Variants in IGF1 observed in about 807,000 individuals in gnomAD.
IGF1 encodes the protein insulin-like growth factor 1.
IGF1 carries 4 observed loss-of-function variants against 13.8 expected under a neutral mutation model. That is an observed-to-expected ratio of 0.29 (90% CI 0.14 to 0.66). IGF1 has a LOEUF of 0.66. Ranked by LOEUF, IGF1 falls within the 30% of genes least tolerant of loss-of-function variation. The pLI is 0.78. For synonymous variants in IGF1, 76 were observed against 72.6 expected, an observed-to-expected ratio of 1.05 and a Z score of -0.23; for missense variants, 124 against 188.5, an observed-to-expected ratio of 0.66 and a Z score of 2.00.
intron 3 of IGF1, among the ~76,000 whole-genome samples, chr12:102,407,708 G>T (rs1432097935): frequency 6.6e-6 from 1 of 152,146 alleles, no homozygotes; most frequent in East Asian, 1.9e-4. Flanking sequence ...CTTCCAGATG[G>T]GGGTAGATGC....
chr12:102,431,759 A>G (rs1301329118), intron 2 of IGF1, among the ~76,000 whole-genome samples: 1 of 152,188 alleles, frequency 6.6e-6, no homozygotes, highest in Non-Finnish European at 1.5e-5. Context: ...GGACCCACTA[A>G]CCCCAGGATT....
chr12:102,414,216 T>C (rs537391978), intron 3 of IGF1, among the ~76,000 whole-genome samples: 3 of 151,892 alleles, frequency 2.0e-5, no homozygotes, highest in Non-Finnish European at 2.9e-5. Context: ...CTCACACACA[T>C]ACACACACAC....
chr12:102,413,859 C>G (rs918005086), intron 3 of IGF1, among the ~76,000 whole-genome samples: 2 of 152,102 alleles, frequency 1.3e-5, no homozygotes, highest in African/African-American at 4.8e-5. Flanking sequence ...GCCAAGCTAC[C>G]TATTTAAGTT....
At chr12:102,403,452 G>A (rs80280982) in intron 3 of IGF1, among the ~76,000 whole-genome samples, 6,909 of 151,434 alleles carry the variant, frequency 0.046, 241 homozygotes, top group Non-Finnish European at 0.067. Context: ...GTTATCTTAA[G>A]GATAGTGAGG....
chr12:102,437,965 A>G (rs1877387603), intron 2 of IGF1, among the ~76,000 whole-genome samples: 1 of 152,218 alleles, frequency 6.6e-6, no homozygotes, highest in Non-Finnish European at 1.5e-5. Flanking sequence ...CCAGAGCAGA[A>G]ACCTATTTGA....
At chr12:102,454,906 A>G (rs1207210652) in intron 2 of IGF1, among the ~76,000 whole-genome samples, 1 of 152,176 alleles carries the variant, frequency 6.6e-6, no homozygotes, top group Non-Finnish European at 1.5e-5. Context: ...GTTAGTGTCC[A>G]CCATTAATGT....
At chr12:102,468,469 G>A (rs1183292520) in intron 2 of IGF1, among the ~76,000 whole-genome samples, 1 of 152,234 alleles carries the variant, frequency 6.6e-6, no homozygotes, top group African/African-American at 2.4e-5. Context: ...CTTGCCAAGT[G>A]CTTCTTTAAG....
chr12:102,459,150 T>A (rs1268591303), intron 2 of IGF1, among the ~76,000 whole-genome samples: 1 of 152,166 alleles, frequency 6.6e-6, no homozygotes, highest in Admixed American at 6.5e-5. Context: ...AAAACACTTA[T>A]GAGGACTGGA....
chr12:102,428,236 G>GTGTATA lies in IGF1; in HGVS notation c.221-8547_221-8546insTATACA, dbSNP rs371640003. Among the ~76,000 whole-genome samples, 3 of 69,482 alleles carry GTGTATA rather than the reference G, an allele frequency of 4.3e-5. 1 individual carries two copies. The highest frequency in any genetic ancestry group is 9.8e-5 in the Non-Finnish European group (3 of 30,538). The allele number at this position is 69,482 out of a possible 152,430, so 45.6% of individuals were successfully genotyped here. A position where few individuals can be genotyped will look rare whatever the true frequency, so the allele number is the denominator to read the frequency against. On this transcript the variant is annotated intron_variant, in intron 2 of 3. Transcript: ENST00000337514. Reference sequence around the variant, plus strand: ...CGACCCACTTTGTAATCAATAATGTGTATATATATATATGGCATATTAATG... The same window carrying GTGTATA: ...CGACCCACTTTGTAATCAATAATGTGTGTATATATATATATATATGGCATATTAATG...
intron 3 of IGF1, among the ~76,000 whole-genome samples, chr12:102,408,846 C>G (rs966802001): frequency 2.8e-4 from 42 of 152,132 alleles, no homozygotes; most frequent in Admixed American, 2.6e-3. Context: ...CCAATCTACT[C>G]TCTCTCTCTC....
Position 102,441,906 on chromosome 12 carries a change from G to GCTGCTGCTGCTGCTTCTTCTT in IGF1, c.221-22217_221-22216insAAGAAGAAGCAGCAGCAGCAG. On this transcript the variant is annotated intron_variant, in intron 2 of 3. Coordinates refer to ENST00000337514, the MANE Select transcript of IGF1 (RefSeq NM_000618.5). ...GAGCACTAAGTCATTCTATTACACT[G>GCTGCTGCTGCTGCTTCTTCTT]CTTCTTCTCCTTCTTCTTCTTCTTC... 7.2e-3 allele frequency among the ~76,000 whole-genome samples: 719 copies of GCTGCTGCTGCTGCTTCTTCTT among 100,268 alleles called. 48 individuals are homozygous for GCTGCTGCTGCTGCTTCTTCTT. The highest frequency in any genetic ancestry group is 0.013 in the African/African-American group (322 of 25,446). 65.8% of individuals were successfully genotyped at this position (100,268 alleles called of 152,430 possible). A position where few individuals can be genotyped will look rare whatever the true frequency, so the allele number is the denominator to read the frequency against.
At chr12:102,442,817 A>G (rs929742104) in intron 2 of IGF1, among the ~76,000 whole-genome samples, 1 of 152,174 alleles carries the variant, frequency 6.6e-6, no homozygotes, top group African/African-American at 2.4e-5. Context: ...TAAACTGTGG[A>G]GCTGAGCCAG....
intron 2 of IGF1, among the ~76,000 whole-genome samples, chr12:102,444,958 T>C (rs1261709025): frequency 6.6e-6 from 1 of 152,096 alleles, no homozygotes; most frequent in Non-Finnish European, 1.5e-5. Flanking sequence ...TCTCATAAAT[T>C]GGTATGATAC....
chr12:102,477,610 C>G (rs1162449395), intron 1 of IGF1, among the ~76,000 whole-genome samples: 1 of 150,544 alleles, frequency 6.6e-6, no homozygotes, highest in Non-Finnish European at 1.5e-5. Context: ...TCAACAAATC[C>G]AACCCACCTG....
intron 2 of IGF1, among the ~76,000 whole-genome samples, chr12:102,458,526 C>T (rs373851280): frequency 1.3e-5 from 2 of 152,244 alleles, no homozygotes; most frequent in African/African-American, 2.4e-5. Context: ...GCCATGTCTA[C>T]ATTTCAAATG....
At chr12:102,430,429 AGGC>A (rs1876634802) in intron 2 of IGF1, among the ~76,000 whole-genome samples, 1 of 152,194 alleles carries the variant, frequency 6.6e-6, no homozygotes, top group South Asian at 2.1e-4. Flanking sequence ...AGTAACCTTT[AGGC>A]TGACGAATGA....
chr12:102,453,523 A>G (rs2137161892), intron 2 of IGF1, among the ~76,000 whole-genome samples: 1 of 152,352 alleles, frequency 6.6e-6, no homozygotes, highest in East Asian at 1.9e-4. Context: ...GAAGAAGTTC[A>G]CAGATGAACA....
intron 2 of IGF1, among the ~76,000 whole-genome samples, chr12:102,463,812 G>A (rs1880104523): frequency 6.6e-6 from 1 of 152,216 alleles, no homozygotes; most frequent in South Asian, 2.1e-4. Flanking sequence ...GACCAAGCAT[G>A]AGGTGACTGA....
intron 2 of IGF1, among the ~76,000 whole-genome samples, chr12:102,460,769 CTG>C (rs1310380038): frequency 1.3e-5 from 2 of 152,156 alleles, no homozygotes; most frequent in Admixed American, 6.6e-5. Flanking sequence ...AGGGATATCA[CTG>C]TATTAAAATA....
Sources: gnomAD v4.1 joint callset for allele counts (sites outside exome capture counted in the v4.1 genomes callset) on GRCh38, gnomAD v4.1.1 for gene constraint, MANE v1.5 for transcripts, NCBI Gene and HGNC (gene_info 2026-07-23, HGNC 2026-07-21) for gene names.